ADNP2: variants seen among roughly 807,000 people sequenced by gnomAD.
The protein encoded by ADNP2 is ADNP homeobox 2.
Under a neutral mutation model 16.4 loss-of-function variants are expected in ADNP2, and 8 were observed. The ratio of observed to expected loss-of-function variants is 0.49; its 90% confidence interval spans 0.29 to 0.88. ADNP2 has a LOEUF of 0.88. ADNP2 is among the 40% of genes least tolerant of loss of function. The pLI is 0.09. For missense variants in ADNP2, 1,397 were observed against 1,395.1 expected (o/e 1.00, Z -0.02); for synonymous variants, 637 against 545.8 (o/e 1.17, Z -2.33).
chr18:80,133,018 G>A (rs1342485343), intron 2 of ADNP2, 85 bp from the exon 3 acceptor site: 1 of 981,634 alleles, frequency 1.0e-6, no homozygotes, highest in Non-Finnish European at 1.6e-6. Flanking sequence ...ACTATGCCCG[G>A]CCTTATAATC....
chr18:80,123,436 A>G lies in ADNP2; in HGVS notation c.108+5786A>G, dbSNP rs375878563. Among the ~76,000 whole-genome samples the G allele has an allele frequency of 1.1e-4, 16 of 151,990 alleles. No homozygotes were observed. In the South Asian group the frequency reaches 3.3e-3, roughly 32 times the overall value. On this transcript the variant is annotated intron_variant, in intron 2 of 3. Coordinates refer to ENST00000262198, the MANE Select transcript of ADNP2 (RefSeq NM_014913.4). ...GCCCAGGCTGGAGTGCAGTGGCGCA[A>G]TCTTGGCTCACCGCAACCTCCGCCT...
intron 2 of ADNP2, among the ~76,000 whole-genome samples, chr18:80,128,938 G>C (rs534229853): frequency 2.6e-5 from 4 of 152,026 alleles, no homozygotes; most frequent in African/African-American, 9.6e-5. Flanking sequence ...ATTGTTAGCT[G>C]TTTCTGTGTG....
chr18:80,125,521 T>A (rs916153020), intron 2 of ADNP2, among the ~76,000 whole-genome samples: 4 of 152,166 alleles, frequency 2.6e-5, no homozygotes, highest in South Asian at 4.2e-4. Context: ...CGGGTGCCTG[T>A]AGTCCCAGCT....
chr18:80,126,483 C>G (rs2052459686), intron 2 of ADNP2, among the ~76,000 whole-genome samples: 1 of 152,092 alleles, frequency 6.6e-6, no homozygotes, highest in African/African-American at 2.4e-5. Flanking sequence ...ACTATACTTT[C>G]TCTCTAAAAA....
Position 80,136,378 on chromosome 18 carries a change from C to A in ADNP2, c.965C>A (p.Ser322Tyr). ...GGTGCCCCTGGAAGCCTCACTCATT[C>A]CCCCCCTGCTGCTGGCCAATCCCAC... The part of the protein sequence containing the change: ...AQGAPGSLTH[S>Y]PPAAGQSHMT... Residue 322 changes from serine to tyrosine, a missense_variant, in exon 4 of 4, where the codon TCC (serine) becomes TAC (tyrosine). By Grantham distance (144) the Ser-to-Tyr change is moderately radical (BLOSUM62 -2). Transcript: ENST00000262198. The A allele has an allele frequency of 1.9e-6, 3 of 1,613,904 alleles. No homozygotes were observed. The highest frequency in any genetic ancestry group is 1.7e-5 in the Admixed American group (1 of 60,026).
intron 1 of ADNP2, among the ~76,000 whole-genome samples, chr18:80,111,591 G>A (rs920593396): frequency 6.7e-6 from 1 of 148,202 alleles, no homozygotes; most frequent in African/African-American, 2.5e-5. Flanking sequence ...TTTTGAGACG[G>A]AGTTTTGCCC....
chr18:80,125,485 T>C (rs1269378357), intron 2 of ADNP2, among the ~76,000 whole-genome samples: 3 of 151,898 alleles, frequency 2.0e-5, no homozygotes, highest in Non-Finnish European at 4.4e-5. Context: ...CTACTAAAAA[T>C]ACAAAAAATT....
At position 80,136,846 on chromosome 18, in the gene ADNP2, C is replaced by G; in HGVS notation, c.1433C>G (p.Thr478Ser). The G allele has an allele frequency of 1.9e-6, 3 of 1,614,126 alleles. No individual in the cohort carries two copies. The highest frequency in any genetic ancestry group is 2.5e-6 in the Non-Finnish European group (3 of 1,179,980). The change falls in exon 4 of 4, where the codon ACT becomes AGT. Residue 478 changes from threonine to serine, a missense_variant. Physicochemically the swap from Thr to Ser is moderately conservative, Grantham distance 58 (BLOSUM62 1). Around this residue, in one of 3 missense-constraint regions of ADNP2, gnomAD observed 777 missense variants for 719.4 expected, o/e 1.08. Coordinates refer to ENST00000262198, the MANE Select transcript of ADNP2 (RefSeq NM_014913.4). ...GQTATSGVLP[T>S]GQMVQSGVLP... ...ACAGCAACTTCTGGGGTTCTTCCTA[C>G]TGGCCAGATGGTCCAGTCAGGAGTT...
chr18:80,117,458 C>T, intron 1 of ADNP2, 72 bp from the exon 2 acceptor site: 5 of 890,480 alleles, frequency 5.6e-6, no homozygotes, highest in Non-Finnish European at 8.1e-6. Flanking sequence ...GTTTTACCAA[C>T]CCTGTCAAAA....
chr18:80,117,146 A>T (rs958125749), intron 1 of ADNP2, among the ~76,000 whole-genome samples: 2 of 152,056 alleles, frequency 1.3e-5, no homozygotes, highest in Non-Finnish European at 2.9e-5. Flanking sequence ...TGCTTTTTTG[A>T]TGGTGTCCTT....
At chr18:80,120,146 T>C (rs1369539262) in intron 2 of ADNP2, among the ~76,000 whole-genome samples, 3 of 152,142 alleles carry the variant, frequency 2.0e-5, no homozygotes, top group Non-Finnish European at 4.4e-5. Flanking sequence ...GAGCTGAGGC[T>C]CCGAGCCCTT....
rs754486306 is a variant in ADNP2, at chr18:80,135,617, T to C, written c.204T>C (p.Tyr68=). ...GCTTTCTTTTCTTTTAACAGAGATA[T>C]CGAACAAAGCCATACTGTTGTGGCC... ...LWEPSGKKVR[Y]RTKPYCCGLC... The change falls in exon 4 of 4, where the codon TAT becomes TAC. Residue 68 remains tyrosine, a synonymous_variant. Transcript: ENST00000262198. 1.0e-5 allele frequency: 16 copies of C among 1,606,484 alleles called. No homozygotes were observed. The highest frequency in any genetic ancestry group is 9.4e-6 in the Non-Finnish European group (11 of 1,175,750).
intron 2 of ADNP2, among the ~76,000 whole-genome samples, chr18:80,117,999 GT>G (rs1293104072): frequency 2.0e-5 from 3 of 151,838 alleles, no homozygotes; most frequent in Non-Finnish European, 2.9e-5. Context: ...AAATGATAGG[GT>G]TTTTTTTAAT....
At chr18:80,111,684 A>G (rs1478889412) in intron 1 of ADNP2, among the ~76,000 whole-genome samples, 1 of 150,138 alleles carries the variant, frequency 6.7e-6, no homozygotes, top group Non-Finnish European at 1.5e-5. Context: ...CTCCTGCCTC[A>G]GCGTCCCGAG....
At position 80,133,188 on chromosome 18, in the gene ADNP2, A is replaced by G. The variant is rs549163468; in HGVS notation, c.194A>G (p.Lys65Arg). 3.1e-6 allele frequency: 5 copies of G among 1,611,212 alleles called. No individual in the cohort carries two copies. The African/African-American group carries it at 6.7e-5, about 21-fold the overall frequency. ...DVSLWEPSGK[K>R]VRYRTKPYCC... Reference sequence around the variant, plus strand: ...TCTCTCTGGGAACCTTCTGGAAAGAAAGTGGTATGTATTTTTTGCATTTGT... The same window carrying G: ...TCTCTCTGGGAACCTTCTGGAAAGAGAGTGGTATGTATTTTTTGCATTTGT... Residue 65 changes from lysine (K) to arginine (R), a missense_variant, in exon 3 of 4, where the codon AAA (lysine) becomes AGA (arginine). Around this residue, in one of 3 missense-constraint regions of ADNP2, gnomAD observed 777 missense variants for 719.4 expected, o/e 1.08. Coordinates refer to ENST00000262198, the MANE Select transcript of ADNP2 (RefSeq NM_014913.4).
At chr18:80,114,543 C>T (rs1267544187) in intron 1 of ADNP2, among the ~76,000 whole-genome samples, 1 of 152,104 alleles carries the variant, frequency 6.6e-6, no homozygotes, top group Non-Finnish European at 1.5e-5. Flanking sequence ...CCACATTACC[C>T]TAAATACTAC....
chr18:80,111,928 C>G (rs2052360333), intron 1 of ADNP2, among the ~76,000 whole-genome samples: 2 of 151,876 alleles, frequency 1.3e-5, no homozygotes, highest in African/African-American at 4.8e-5. Flanking sequence ...CCAGAGAAGT[C>G]CTTTATGTAC....
At chr18:80,125,879 A>C (rs764099236) in intron 2 of ADNP2, among the ~76,000 whole-genome samples, 14 of 152,206 alleles carry the variant, frequency 9.2e-5, no homozygotes, top group Non-Finnish European at 1.6e-4. Flanking sequence ...TATATCGTCC[A>C]AGGCTGCTTT....
At chr18:80,118,185 G>A (rs2052401382) in intron 2 of ADNP2, among the ~76,000 whole-genome samples, 1 of 152,182 alleles carries the variant, frequency 6.6e-6, no homozygotes, top group African/African-American at 2.4e-5. Flanking sequence ...AGCACTTTGG[G>A]AGGCTGAGGT....
Sources: allele counts gnomAD v4.1 joint callset (sites outside exome capture counted in the v4.1 genomes callset), GRCh38; gene constraint gnomAD v4.1.1; regional missense constraint gnomAD v4.1.1; transcripts MANE v1.5; gene names NCBI Gene and HGNC (gene_info 2026-07-23, HGNC 2026-07-21).